RMND5A: variants seen among roughly 807,000 people sequenced by gnomAD.
RMND5A encodes the protein required for meiotic nuclear division 5 homolog A.
A neutral mutation model predicts 49.7 loss-of-function variants in RMND5A; 17 were observed. That is an observed-to-expected ratio of 0.34 (90% CI 0.23 to 0.51). RMND5A has a LOEUF of 0.51. RMND5A is among the 20% of genes least tolerant of loss of function. RMND5A has a pLI of 0.96. For synonymous variants in RMND5A, 156 were observed against 167.7 expected, an observed-to-expected ratio of 0.93 and a Z score of 0.54; for missense variants, 255 against 471.3, an observed-to-expected ratio of 0.54 and a Z score of 4.25.
intron 1 of RMND5A, 166 bp downstream of exon 1, chr2:86,720,975 G>A: frequency 3.6e-6 from 2 of 558,882 alleles, no homozygotes; most frequent in South Asian, 2.6e-5. Context: ...CTCTTCGTCC[G>A]ATTTACCTCG....
chr2:86,771,882 G>T (rs1275710210), intron 8 of RMND5A, among the ~76,000 whole-genome samples, 170 bp downstream of exon 8: 1 of 152,270 alleles, frequency 6.6e-6, no homozygotes, highest in Non-Finnish European at 1.5e-5. Context: ...TATTTTTAAT[G>T]TGTCTATGGA....
intron 6 of RMND5A, among the ~76,000 whole-genome samples, chr2:86,766,661 C>CAAAAAAAAAAAAAAAAA (rs59511898): frequency 3.9e-5 from 3 of 77,008 alleles, no homozygotes; most frequent in African/African-American, 1.6e-4. Context: ...GAGACTGTCT[C>CAAAAAAAAAAAAAAAAA]AAAAAAAAAA....
intron 8 of RMND5A, among the ~76,000 whole-genome samples, chr2:86,771,958 T>C (rs1487696156): frequency 6.6e-6 from 1 of 152,256 alleles, no homozygotes; most frequent in African/African-American, 2.4e-5. Context: ...GATTTTCCCC[T>C]TTTTTATACA....
intron 2 of RMND5A, among the ~76,000 whole-genome samples, chr2:86,743,249 A>G (rs914676920): frequency 2.6e-5 from 4 of 152,154 alleles, no homozygotes; most frequent in African/African-American, 9.7e-5. Flanking sequence ...AGTGGATATC[A>G]AGGGAACACA....
At chr2:86,721,769 G>C (rs1681230759) in intron 1 of RMND5A, among the ~76,000 whole-genome samples, 1 of 150,398 alleles carries the variant, frequency 6.6e-6, no homozygotes. Context: ...CAGCTTGTGG[G>C]CTGAACAGAA....
At chr2:86,755,910 A>G (rs1020888357) in intron 4 of RMND5A, among the ~76,000 whole-genome samples, 4 of 152,170 alleles carry the variant, frequency 2.6e-5, no homozygotes, top group Non-Finnish European at 4.4e-5. Flanking sequence ...TATGCCTAGC[A>G]TCGTTCTAAG....
intron 2 of RMND5A, among the ~76,000 whole-genome samples, chr2:86,751,032 T>G (rs1218552081): frequency 6.6e-6 from 1 of 152,218 alleles, no homozygotes; most frequent in Non-Finnish European, 1.5e-5. Flanking sequence ...ATCATCTTTT[T>G]CCATGTGAGT....
At chr2:86,750,499 T>G (rs62148508) in intron 2 of RMND5A, among the ~76,000 whole-genome samples, 1,968 of 85,920 alleles carry the variant, frequency 0.023, 16 homozygotes, top group Non-Finnish European at 0.034. Context: ...CCCCTGTAAG[T>G]AACATGTCAC....
chr2:86,737,528 G>A (rs1296671313), intron 1 of RMND5A, among the ~76,000 whole-genome samples: 1 of 92,576 alleles, frequency 1.1e-5, no homozygotes, highest in Non-Finnish European at 2.0e-5. Flanking sequence ...CTCTGTGTCT[G>A]TACTGACTCC....
chr2:86,752,106 G>T, intron 3 of RMND5A, 76 bp downstream of exon 3: 1 of 1,398,424 alleles, frequency 7.2e-7, no homozygotes, highest in Non-Finnish European at 9.8e-7. Context: ...TTGCAGGGTG[G>T]GGTTTTGAGT....
At chr2:86,771,978 A>T (rs147551387) in intron 8 of RMND5A, among the ~76,000 whole-genome samples, 2 of 152,224 alleles carry the variant, frequency 1.3e-5, no homozygotes, top group Non-Finnish European at 2.9e-5. Context: ...AAATGGTCGC[A>T]TACTAAAAAA....
intron 1 of RMND5A, among the ~76,000 whole-genome samples, chr2:86,721,745 C>T (rs1046446059): frequency 2.7e-5 from 4 of 150,820 alleles, no homozygotes; most frequent in African/African-American, 9.9e-5. Context: ...TAATAAGAGG[C>T]TGAGGGGGCT....
chr2:86,732,299 G>C (rs1681344621), intron 1 of RMND5A, among the ~76,000 whole-genome samples: 1 of 150,220 alleles, frequency 6.7e-6, no homozygotes, highest in Admixed American at 6.6e-5. Flanking sequence ...CAGTGTGTTT[G>C]TGCAGTTGAA....
intron 5 of RMND5A, 42 bp downstream of exon 5, chr2:86,765,235 T>C (rs1558726267): frequency 6.6e-7 from 1 of 1,522,510 alleles, no homozygotes; most frequent in South Asian, 1.2e-5. Context: ...GAAACAGGGC[T>C]ATAGCCACCA....
chr2:86,737,657 A>G lies in RMND5A; in HGVS notation c.143-3270A>G, dbSNP rs1221724183. ...CTGCTGTTGAACTCCAGGTTTGTAT[A>G]TCTCACCAACTCCTCCACTTATGCA... On this transcript the variant is annotated intron_variant, in intron 1 of 8. Transcript: ENST00000283632. Among the ~76,000 whole-genome samples, 21 of 83,618 alleles carry G rather than the reference A, an allele frequency of 2.5e-4. 6 individuals are homozygous for G. The highest frequency in any genetic ancestry group is 1.8e-3 in the Admixed American group (14 of 7,906). The allele number at this position is 83,618 out of a possible 152,430, so 54.9% of individuals were successfully genotyped here.
At chr2:86,755,307 C>T (rs1681714038) in intron 4 of RMND5A, among the ~76,000 whole-genome samples, 1 of 152,136 alleles carries the variant, frequency 6.6e-6, no homozygotes, top group Non-Finnish European at 1.5e-5. Context: ...TTTATAGAGA[C>T]AGGATTTCTC....
At chr2:86,757,811 G>A (rs542416259) in intron 4 of RMND5A, among the ~76,000 whole-genome samples, 70 of 152,258 alleles carry the variant, frequency 4.6e-4, no homozygotes, top group African/African-American at 1.6e-3. Context: ...CTAAGAACAG[G>A]CCTTTAAAAA....
intron 8 of RMND5A, among the ~76,000 whole-genome samples, chr2:86,772,162 A>G (rs1022948578): frequency 3.9e-5 from 6 of 152,188 alleles, no homozygotes; most frequent in Non-Finnish European, 2.9e-5. Flanking sequence ...AACAGTGCTA[A>G]GTGAAGGCCA....
intron 4 of RMND5A, among the ~76,000 whole-genome samples, chr2:86,762,183 T>C (rs1222993663): frequency 1.3e-5 from 2 of 152,208 alleles, no homozygotes; most frequent in Non-Finnish European, 2.9e-5. Flanking sequence ...AATATGGTAT[T>C]GATTGGTGTG....
Sources: allele counts gnomAD v4.1 joint callset (sites outside exome capture counted in the v4.1 genomes callset), GRCh38; gene constraint gnomAD v4.1.1; transcripts MANE v1.5; gene names NCBI Gene and HGNC (gene_info 2026-07-23, HGNC 2026-07-21).